Variants in LRRIQ3 observed in about 807,000 individuals in gnomAD.
The protein encoded by LRRIQ3 is leucine-rich repeat and IQ domain-containing protein 3.
Under a neutral mutation model 59.3 loss-of-function variants are expected in LRRIQ3, and 75 were observed. The observed-to-expected ratio is 1.26, with a 90% CI of 1.05 to 1.53. LRRIQ3 has a LOEUF of 1.53. LRRIQ3 is among the 40% of genes most tolerant of loss of function. The pLI is 0.00. For missense variants in LRRIQ3, 831 were observed against 710.0 expected (o/e 1.17, Z -1.94); for synonymous variants, 250 against 231.3 (o/e 1.08, Z -0.73).
chr1:74,084,066 G>A, intron 5 of LRRIQ3: 3 of 1,030,936 alleles, frequency 2.9e-6, no homozygotes, highest in Non-Finnish European at 4.2e-6. Flanking sequence ...TATCTTGTGT[G>A]TACAGCTGAT....
intron 3 of LRRIQ3, among the ~76,000 whole-genome samples, chr1:74,168,476 T>A (rs12033705): frequency 0.31 from 46,699 of 151,932 alleles, 7,869 homozygotes; most frequent in Middle Eastern, 0.45. Flanking sequence ...TATAACATTC[T>A]ATTTGAAATT....
chr1:74,084,316 G>T lies in LRRIQ3; in HGVS notation c.868-9526C>A, dbSNP rs1014237193. The T allele has an allele frequency of 1.8e-5, 23 of 1,256,260 alleles. No homozygotes were observed. The African/African-American group carries it at 2.8e-4, about 15-fold the overall frequency. 77.8% of individuals were successfully genotyped at this position (1,256,260 alleles called of 1,614,324 possible). The stretch of plus-strand genomic sequence containing the variant: ...CAATAATCAGCAAACATTACATTTT[G>T]CCTGGAGGACAGTGAGCTCAAGATT... On this transcript the variant is annotated intron_variant, in intron 5 of 7. Coordinates refer to ENST00000354431, the MANE Select transcript of LRRIQ3 (RefSeq NM_001105659.2).
intron 1 of LRRIQ3, among the ~76,000 whole-genome samples, chr1:74,188,238 AGG>A (rs1230806818): frequency 4.7e-4 from 71 of 152,270 alleles, no homozygotes; most frequent in Non-Finnish European, 9.1e-4. Context: ...GGACACATAA[AGG>A]GGAACAACAC....
chr1:74,184,411 T>C (rs1650221475), intron 1 of LRRIQ3, among the ~76,000 whole-genome samples: 1 of 152,136 alleles, frequency 6.6e-6, no homozygotes, highest in Non-Finnish European at 1.5e-5. Flanking sequence ...TAGTCAGTGA[T>C]AGGTGAGAAG....
chr1:74,095,768 A>C (rs1446226391), intron 5 of LRRIQ3, among the ~76,000 whole-genome samples: 1 of 152,108 alleles, frequency 6.6e-6, no homozygotes, highest in African/African-American at 2.4e-5. Flanking sequence ...CTGCTAACTT[A>C]TAAGTTTATC....
chr1:74,179,597 G>A (rs1649855756), intron 3 of LRRIQ3, among the ~76,000 whole-genome samples: 1 of 151,458 alleles, frequency 6.6e-6, no homozygotes, highest in South Asian at 2.1e-4. Flanking sequence ...TATCTCCATC[G>A]GTTCATATTT....
chr1:74,110,980 G>T (rs1646686369), intron 4 of LRRIQ3, among the ~76,000 whole-genome samples: 1 of 151,824 alleles, frequency 6.6e-6, no homozygotes, highest in Non-Finnish European at 1.5e-5. Context: ...AAACAAAGGG[G>T]GAGCAATAAC....
chr1:74,195,111 A>G (rs972225051), intron 1 of LRRIQ3, among the ~76,000 whole-genome samples: 2 of 152,202 alleles, frequency 1.3e-5, no homozygotes, highest in Non-Finnish European at 2.9e-5. Flanking sequence ...TTCCTCCAAC[A>G]GGGCATAGTG....
At chr1:74,136,457 A>G (rs1647125681) in intron 4 of LRRIQ3, among the ~76,000 whole-genome samples, 2 of 151,984 alleles carry the variant, frequency 1.3e-5, no homozygotes, top group Admixed American at 1.3e-4. Flanking sequence ...CATCATTCCA[A>G]GGTACCTCTC....
intron 3 of LRRIQ3, among the ~76,000 whole-genome samples, chr1:74,157,554 T>C (rs1260039379): frequency 6.6e-6 from 1 of 152,046 alleles, no homozygotes; most frequent in Non-Finnish European, 1.5e-5. Context: ...CTTTCTTTTT[T>C]TTTGTTTTGT....
intron 3 of LRRIQ3, among the ~76,000 whole-genome samples, chr1:74,168,334 T>A (rs1391235938): frequency 1.3e-5 from 2 of 152,180 alleles, no homozygotes; most frequent in East Asian, 3.9e-4. Context: ...TGATATAACA[T>A]CTCTCTCCAC....
chr1:74,169,403 TTTAA>T (rs1649187133), intron 3 of LRRIQ3, among the ~76,000 whole-genome samples: 1 of 152,188 alleles, frequency 6.6e-6, no homozygotes, highest in Non-Finnish European at 1.5e-5. Flanking sequence ...AGATCCTGAT[TTTAA>T]TTGTTTCTTA....
chr1:74,103,504 A>G (rs182587213), intron 5 of LRRIQ3, among the ~76,000 whole-genome samples: 123 of 152,096 alleles, frequency 8.1e-4, no homozygotes, highest in African/African-American at 2.9e-3. Flanking sequence ...GAAACTGAAT[A>G]ATAATAATAT....
At chr1:74,038,407 G>A (rs2100380029) in intron 7 of LRRIQ3, among the ~76,000 whole-genome samples, 1 of 152,330 alleles carries the variant, frequency 6.6e-6, no homozygotes, top group South Asian at 2.1e-4. Context: ...AATCTGGGCA[G>A]CCCAGACAAG....
At chr1:74,180,632 GTGAAAAGTA>G in intron 3 of LRRIQ3, 2 of 1,302,096 alleles carry the variant, frequency 1.5e-6, no homozygotes, top group Non-Finnish European at 2.1e-6. Flanking sequence ...CACACTCAGT[GTGAAAAGTA>G]CACTCAAATC....
At chr1:74,084,068 A>C in intron 5 of LRRIQ3, 2 of 1,034,226 alleles carry the variant, frequency 1.9e-6, no homozygotes, top group Non-Finnish European at 2.8e-6. Context: ...TCTTGTGTGT[A>C]CAGCTGATAT....
chr1:74,032,643 T>C (rs912741371), intron 7 of LRRIQ3, among the ~76,000 whole-genome samples: 18 of 152,136 alleles, frequency 1.2e-4, no homozygotes, highest in African/African-American at 4.3e-4. Context: ...TGGGCGCATC[T>C]GGATAATCCA....
At chr1:74,126,922 T>C (rs1646943674) in intron 4 of LRRIQ3, among the ~76,000 whole-genome samples, 1 of 151,902 alleles carries the variant, frequency 6.6e-6, no homozygotes. Flanking sequence ...TTTGTCTGAG[T>C]GATCTCTCCA....
intron 4 of LRRIQ3, among the ~76,000 whole-genome samples, chr1:74,120,804 G>A (rs1401083374): frequency 4.0e-5 from 6 of 151,378 alleles, no homozygotes; most frequent in African/African-American, 1.5e-4. Context: ...TACTTTTCGG[G>A]CACTCAATAA....
Sources: gnomAD v4.1 joint callset for allele counts (sites outside exome capture counted in the v4.1 genomes callset) on GRCh38, gnomAD v4.1.1 for gene constraint, MANE v1.5 for transcripts, NCBI Gene and HGNC (gene_info 2026-07-23, HGNC 2026-07-21) for gene names.